The following ATXN1 variants were observed in gnomAD, a reference collection of about 807,000 sequenced individuals.
ATXN1 encodes the protein ataxin-1.
ATXN1 carries 8 observed loss-of-function variants against 56.4 expected under a neutral mutation model. The observed-to-expected ratio is 0.14, with a 90% CI of 0.08 to 0.26. The LOEUF (loss-of-function observed/expected upper bound fraction) is 0.26, where lower values mean the gene tolerates loss of function less well. Among genes scored for constraint, ATXN1 ranks in the 10% least tolerant of loss-of-function variants. The pLI is 1.00. For synonymous variants in ATXN1, 514 were observed against 494.6 expected (o/e 1.04, Z -0.52); for missense variants, 987 against 1,106.5 (o/e 0.89, Z 1.53).
intron 6 of ATXN1, among the ~76,000 whole-genome samples, chr6:16,379,765 G>A (rs898689676): frequency 6.6e-6 from 1 of 152,174 alleles, no homozygotes; most frequent in Non-Finnish European, 1.5e-5. Context: ...TCAGCAAGAC[G>A]CTGGAAGGAG....
chr6:16,389,592 T>A (rs916839662), intron 6 of ATXN1, among the ~76,000 whole-genome samples: 1 of 152,200 alleles, frequency 6.6e-6, no homozygotes, highest in Non-Finnish European at 1.5e-5. Flanking sequence ...TCTGAACTTA[T>A]CGACAATCCT....
In ATXN1 at chr6:16,627,861, G is replaced by A. The variant is rs947670950; in HGVS notation, c.-489+29915C>T. Among the ~76,000 whole-genome samples, 12 of 152,250 alleles carry A rather than the reference G, an allele frequency of 7.9e-5. No homozygotes were observed. The South Asian group carries it at 1.2e-3, about 16-fold the overall frequency. Reference sequence around the variant, plus strand: ...GAGGTCAACTTGTGAGCAATAAGTCGAAGCAACATGAAGAAGAAACAAGGA... The same window carrying A: ...GAGGTCAACTTGTGAGCAATAAGTCAAAGCAACATGAAGAAGAAACAAGGA... On this transcript the variant is annotated intron_variant, in intron 3 of 7. Coordinates refer to ENST00000436367, the MANE Select transcript of ATXN1 (RefSeq NM_001128164.2).
chr6:16,437,152 G>A (rs1214241625), intron 6 of ATXN1, among the ~76,000 whole-genome samples: 1 of 152,186 alleles, frequency 6.6e-6, no homozygotes, highest in Non-Finnish European at 1.5e-5. Context: ...GAAGGTGTCA[G>A]TTTTGAGATG....
chr6:16,405,610 C>T (rs370828906), intron 6 of ATXN1, among the ~76,000 whole-genome samples: 4 of 152,272 alleles, frequency 2.6e-5, no homozygotes, highest in East Asian at 1.9e-4. Context: ...GGAATGGAAG[C>T]GATTTCAGAG....
At chr6:16,436,729 G>A (rs957759431) in intron 6 of ATXN1, among the ~76,000 whole-genome samples, 6 of 152,104 alleles carry the variant, frequency 3.9e-5, no homozygotes, top group Middle Eastern at 3.4e-3. Context: ...TCAGAGGGTG[G>A]GGGTGACAAG....
chr6:16,426,607 A>ATGTGTG (rs144648865), intron 6 of ATXN1, among the ~76,000 whole-genome samples: 31 of 149,494 alleles, frequency 2.1e-4, no homozygotes, highest in Non-Finnish European at 3.4e-4. Flanking sequence ...GTGTGTCTGT[A>ATGTGTG]TGTGTGTGTG....
At chr6:16,498,291 G>T (rs1038305212) in intron 5 of ATXN1, among the ~76,000 whole-genome samples, 5 of 152,108 alleles carry the variant, frequency 3.3e-5, no homozygotes, top group African/African-American at 1.2e-4. Context: ...TGTTTTCAAG[G>T]CTCATTCATA....
rs1231320979 is a variant in ATXN1, at chr6:16,760,730, C to T, written c.-730+568G>A. ...CCACCCGCGGAGAAGTCCAGCCCTC[C>T]GTGAGACCCCCTCTCTCTCACCGCC... is the stretch of plus-strand genomic sequence containing the variant. On this transcript the variant is annotated intron_variant, in intron 1 of 7. Coordinates refer to ENST00000436367, the MANE Select transcript of ATXN1 (RefSeq NM_001128164.2). The surrounding 1 kb of genome is among the most constrained non-coding windows in gnomAD (Gnocchi z 5.3). 1.3e-5 allele frequency among the ~76,000 whole-genome samples: 2 copies of T among 151,272 alleles called. No homozygotes were observed. Among genetic ancestry groups the T allele is most frequent in the African/African-American group, 4.8e-5 (2 of 41,346 alleles).
chr6:16,759,685 T>A (rs1261317569), intron 1 of ATXN1, among the ~76,000 whole-genome samples: 1 of 151,828 alleles, frequency 6.6e-6, no homozygotes, highest in Non-Finnish European at 1.5e-5. Flanking sequence ...ATCCCCGCCG[T>A]CCTTAGAAAC....
At chr6:16,644,799 G>A (rs554192723) in intron 3 of ATXN1, among the ~76,000 whole-genome samples, 6 of 152,104 alleles carry the variant, frequency 3.9e-5, no homozygotes, top group Non-Finnish European at 8.8e-5. Flanking sequence ...GTCCATTTTC[G>A]CAAAGTGAGC....
intron 2 of ATXN1, among the ~76,000 whole-genome samples, chr6:16,741,131 A>G (rs1425762620): frequency 6.6e-6 from 1 of 152,224 alleles, no homozygotes; most frequent in Non-Finnish European, 1.5e-5. Context: ...CTAGTAAATC[A>G]GTCAACCTCG....
chr6:16,625,479 G>T (rs1053557204), intron 3 of ATXN1, among the ~76,000 whole-genome samples: 1 of 152,138 alleles, frequency 6.6e-6, no homozygotes, highest in African/African-American at 2.4e-5. Flanking sequence ...TGACCATGGT[G>T]TTCCTGCTCA....
intron 2 of ATXN1, among the ~76,000 whole-genome samples, chr6:16,682,029 C>T (rs1298165639): frequency 6.6e-6 from 1 of 152,014 alleles, no homozygotes; most frequent in Non-Finnish European, 1.5e-5. Flanking sequence ...GCTTGGTTAG[C>T]CGCTGTTCTC....
intron 3 of ATXN1, among the ~76,000 whole-genome samples, chr6:16,627,958 A>G (rs1214380202): frequency 6.6e-6 from 1 of 152,236 alleles, no homozygotes. Flanking sequence ...GCTCATTCTG[A>G]TCAAAGATGT....
chr6:16,634,040 A>T (rs1763551222), intron 3 of ATXN1, among the ~76,000 whole-genome samples: 1 of 152,206 alleles, frequency 6.6e-6, no homozygotes, highest in Non-Finnish European at 1.5e-5. Context: ...TCTTCACTCC[A>T]GTTGAACAAA....
At chr6:16,491,527 C>T (rs952108612) in intron 5 of ATXN1, among the ~76,000 whole-genome samples, 1 of 151,712 alleles carries the variant, frequency 6.6e-6, no homozygotes, top group East Asian at 1.9e-4. Flanking sequence ...GAACTCCTGG[C>T]CTCAAGTGAT....
At chr6:16,509,963 C>T (rs1011796899) in intron 5 of ATXN1, among the ~76,000 whole-genome samples, 3 of 152,284 alleles carry the variant, frequency 2.0e-5, no homozygotes, top group Admixed American at 1.3e-4. Context: ...CACGCCTCCC[C>T]GCAATCCCTG....
intron 5 of ATXN1, among the ~76,000 whole-genome samples, chr6:16,491,258 A>AATTATTATTATTATT (rs71535082): frequency 4.7e-5 from 5 of 107,426 alleles, no homozygotes; most frequent in African/African-American, 1.8e-4. Context: ...ACACCTGGCT[A>AATTATTATTATTATT]ATTATTATTA....
intron 5 of ATXN1, among the ~76,000 whole-genome samples, chr6:16,488,272 C>A (rs886259562): frequency 3.3e-5 from 5 of 152,130 alleles, no homozygotes; most frequent in South Asian, 2.1e-4. Context: ...GTTAAGAAAA[C>A]CCTCCCCCAA....
Sources: allele counts gnomAD v4.1 joint callset (sites outside exome capture counted in the v4.1 genomes callset), GRCh38; gene constraint gnomAD v4.1.1; non-coding constraint Gnocchi (gnomAD v3.1); transcripts MANE v1.5; gene names NCBI Gene and HGNC (gene_info 2026-07-23, HGNC 2026-07-21).